CACNA1E: variants seen among roughly 807,000 people sequenced by gnomAD.
CACNA1E encodes calcium voltage-gated channel subunit alpha1 E.
In CACNA1E, 40 loss-of-function variants were observed where a neutral mutation model predicts 259.2. The observed-to-expected ratio is 0.15, with a 90% CI of 0.12 to 0.20. The LOEUF is 0.20. CACNA1E is among the 10% of genes least tolerant of loss of function. The probability of loss-of-function intolerance (pLI) is 1.00; values close to 1 mark genes in which losing one functional copy is unlikely to be tolerated. For missense variants in CACNA1E, 1,874 were observed against 3,040.1 expected (o/e 0.62, Z 9.02); for synonymous variants, 1,104 against 1,138.5 (o/e 0.97, Z 0.61).
chr1:181,693,938 C>G (rs1651451913), intron 7 of CACNA1E, among the ~76,000 whole-genome samples: 1 of 152,108 alleles, frequency 6.6e-6, no homozygotes, highest in Non-Finnish European at 1.5e-5. Flanking sequence ...TCAATTCTAC[C>G]AAACGTTAAG....
At position 181,386,295 on chromosome 1, in the gene CACNA1E, G is replaced by C. The variant is rs115355149; in HGVS notation, c.-14-26838G>C. Among the ~76,000 whole-genome samples the C allele has an allele frequency of 5.4e-3, 822 of 152,248 alleles. 8 individuals carry two copies. The highest frequency in any genetic ancestry group is 0.019 in the African/African-American group (769 of 41,510). On this transcript the variant is annotated intron_variant, in intron 1 of 11. Coordinates refer to the CACNA1E transcript ENST00000524607. Reference sequence around the variant, plus strand: ...GGGATACTTTGACGGTGAGAAGTTAGCCTGGCAACAAAAGGGGCAGGGGAG... The same window carrying C: ...GGGATACTTTGACGGTGAGAAGTTACCCTGGCAACAAAAGGGGCAGGGGAG...
chr1:181,567,642 T>C (rs146632433), intron 3 of CACNA1E, among the ~76,000 whole-genome samples: 14 of 152,340 alleles, frequency 9.2e-5, no homozygotes, highest in Admixed American at 3.9e-4. Flanking sequence ...TCTTCTACAA[T>C]GCCATGTTTG....
At chr1:181,461,021 TG>T (rs540139059) in intron 2 of CACNA1E, among the ~76,000 whole-genome samples, 68 of 152,254 alleles carry the variant, frequency 4.5e-4, no homozygotes, top group Non-Finnish European at 7.2e-4. Context: ...TGAAGTACGG[TG>T]GGGATTGAAT....
At chr1:181,565,183 T>C (rs1253894459) in intron 3 of CACNA1E, among the ~76,000 whole-genome samples, 1 of 152,200 alleles carries the variant, frequency 6.6e-6, no homozygotes, top group East Asian at 1.9e-4. Context: ...CTTATCTAGA[T>C]GGTATTATCT....
intron 8 of CACNA1E, among the ~76,000 whole-genome samples, chr1:181,714,852 G>A (rs1653742793): frequency 6.6e-6 from 1 of 152,116 alleles, no homozygotes. Context: ...ATCTTCCTCT[G>A]ACTCCTCCTC....
intron 1 of CACNA1E, among the ~76,000 whole-genome samples, chr1:181,344,256 C>T (rs193116230): frequency 6.6e-6 from 1 of 152,228 alleles, no homozygotes; most frequent in Admixed American, 6.5e-5. Context: ...CAGGCAAACT[C>T]TCTTTCCACT....
At chr1:181,689,796 A>G (rs1033413675) in intron 7 of CACNA1E, among the ~76,000 whole-genome samples, 2 of 152,030 alleles carry the variant, frequency 1.3e-5, no homozygotes, top group African/African-American at 4.8e-5. Flanking sequence ...GTGTCTGTTC[A>G]TATCCTTTGG....
intron 6 of CACNA1E, among the ~76,000 whole-genome samples, chr1:181,639,013 A>T (rs898228153): frequency 6.6e-6 from 1 of 151,918 alleles, no homozygotes; most frequent in African/African-American, 2.4e-5. Flanking sequence ...TTGCAATAGC[A>T]CCTCTCTTGC....
chr1:181,456,285 G>C (rs11806907), intron 2 of CACNA1E, among the ~76,000 whole-genome samples: 65,748 of 151,932 alleles, frequency 0.43, 15,903 homozygotes, highest in African/African-American at 0.67. Flanking sequence ...GGAGGTCACA[G>C]AGGACAAGAT....
At chr1:181,377,414 A>G (rs1430301119) in intron 1 of CACNA1E, among the ~76,000 whole-genome samples, 1 of 152,196 alleles carries the variant, frequency 6.6e-6, no homozygotes, top group East Asian at 1.9e-4. Flanking sequence ...CAAAGAGTTC[A>G]TATGGTATTT....
At chr1:181,636,497 C>T (rs1391593274) in intron 6 of CACNA1E, among the ~76,000 whole-genome samples, 2 of 152,186 alleles carry the variant, frequency 1.3e-5, no homozygotes. Context: ...TGATATCTTC[C>T]AGACTAAATA....
intron 6 of CACNA1E, among the ~76,000 whole-genome samples, chr1:181,609,193 C>T (rs1334784719): frequency 6.6e-6 from 1 of 152,214 alleles, no homozygotes; most frequent in African/African-American, 2.4e-5. Flanking sequence ...AAAGGTCCAT[C>T]AGGATCACGT....
At chr1:181,720,709 C>G (rs1340790022) in intron 14 of CACNA1E, 74 bp from the exon 15 acceptor site, 11 of 858,024 alleles carry the variant, frequency 1.3e-5, no homozygotes, top group Non-Finnish European at 1.9e-5. Context: ...GTGATGAAAG[C>G]TGTGATCTTG....
intron 6 of CACNA1E, among the ~76,000 whole-genome samples, chr1:181,643,591 C>T (rs780585278): frequency 4.6e-5 from 7 of 152,080 alleles, no homozygotes; most frequent in Non-Finnish European, 8.8e-5. Context: ...TGCAGCTGAC[C>T]GGCCAGAGCT....
intron 2 of CACNA1E, among the ~76,000 whole-genome samples, chr1:181,439,831 T>C (rs1660337467): frequency 6.6e-6 from 1 of 152,192 alleles, no homozygotes; most frequent in Non-Finnish European, 1.5e-5. Context: ...GCATCTTTTC[T>C]ACTTAAGAAG....
chr1:181,450,379 G>A (rs1012489016), intron 2 of CACNA1E, among the ~76,000 whole-genome samples: 1 of 151,890 alleles, frequency 6.6e-6, no homozygotes, highest in African/African-American at 2.4e-5. Flanking sequence ...TGACATACAA[G>A]CTAAACCTAA....
chr1:181,578,514 C>T (rs542523153), intron 4 of CACNA1E, among the ~76,000 whole-genome samples: 26 of 152,204 alleles, frequency 1.7e-4, no homozygotes, highest in Non-Finnish European at 3.4e-4. Context: ...CTGCAGTGAG[C>T]CAAGATCACG....
intron 35 of CACNA1E, among the ~76,000 whole-genome samples, chr1:181,769,492 T>G (rs1399280608): frequency 1.3e-5 from 2 of 151,536 alleles, no homozygotes; most frequent in Non-Finnish European, 2.9e-5. Flanking sequence ...CCCAGGCTTG[T>G]CTTGAACTCC....
chr1:181,477,132 T>G (rs1186803903), intron 2 of CACNA1E, among the ~76,000 whole-genome samples: 1 of 152,174 alleles, frequency 6.6e-6, no homozygotes, highest in Non-Finnish European at 1.5e-5. Context: ...ATTAACTCCA[T>G]GCATCTTGTG....
Sources: gnomAD v4.1 joint callset for allele counts (sites outside exome capture counted in the v4.1 genomes callset) on GRCh38, gnomAD v4.1.1 for gene constraint, MANE v1.5 for transcripts, NCBI Gene and HGNC (gene_info 2026-07-23, HGNC 2026-07-21) for gene names.